Variants in TOM1L2 observed in about 807,000 individuals in gnomAD.
TOM1L2 encodes the protein target of myb1 like 2 membrane trafficking protein.
Under a neutral mutation model 67.9 loss-of-function variants are expected in TOM1L2, and 31 were observed. That is an observed-to-expected ratio of 0.46 (90% confidence interval 0.34 to 0.62). TOM1L2 has a LOEUF of 0.62. TOM1L2 is among the 20% of genes least tolerant of loss of function. The pLI is 0.01. For missense variants in TOM1L2, 606 were observed against 663.5 expected, an observed-to-expected ratio of 0.91 and a Z score of 0.95; for synonymous variants, 256 against 254.0, an observed-to-expected ratio of 1.01 and a Z score of -0.07.
chr17:17,953,494 G>C (rs1047265280), intron 1 of TOM1L2, among the ~76,000 whole-genome samples: 1 of 152,168 alleles, frequency 6.6e-6, no homozygotes, highest in Non-Finnish European at 1.5e-5. Context: ...CACTGTCCCT[G>C]CAAAAGGCGT....
chr17:17,861,709 C>A (rs1380594859), intron 11 of TOM1L2, among the ~76,000 whole-genome samples, 158 bp from the exon 12 acceptor site: 3 of 152,172 alleles, frequency 2.0e-5, no homozygotes, highest in African/African-American at 7.2e-5. Flanking sequence ...AGGCTAAGGG[C>A]TCATGTTGTC....
chr17:17,961,753 TC>T (rs1472491738), intron 1 of TOM1L2, among the ~76,000 whole-genome samples: 1 of 151,654 alleles, frequency 6.6e-6, no homozygotes, highest in African/African-American at 2.4e-5. Flanking sequence ...GCGCCTGTAG[TC>T]CCAGCTACTC....
intron 7 of TOM1L2, chr17:17,871,886 T>C: frequency 1.3e-6 from 1 of 779,262 alleles, no homozygotes; most frequent in South Asian, 5.8e-5. Flanking sequence ...AGTGCTAGAA[T>C]TAATAAGAGG....
At chr17:17,896,794 A>T (rs1311756337) in intron 3 of TOM1L2, among the ~76,000 whole-genome samples, 1 of 152,248 alleles carries the variant, frequency 6.6e-6, no homozygotes, top group Non-Finnish European at 1.5e-5. Flanking sequence ...AGGGCTTCTT[A>T]CTAACTTATT....
At chr17:17,956,105 CGA>C (rs2041433099) in intron 1 of TOM1L2, among the ~76,000 whole-genome samples, 1 of 152,166 alleles carries the variant, frequency 6.6e-6, no homozygotes, top group African/African-American at 2.4e-5. Flanking sequence ...CTCCCCCGCA[CGA>C]AAAAGGACCC....
intron 1 of TOM1L2, among the ~76,000 whole-genome samples, chr17:17,938,008 G>C (rs2040578330): frequency 6.6e-6 from 1 of 152,158 alleles, no homozygotes; most frequent in South Asian, 2.1e-4. Flanking sequence ...GGCTTGACTG[G>C]GATTTTGCCA....
intron 1 of TOM1L2, among the ~76,000 whole-genome samples, chr17:17,942,576 TA>T (rs1437546184): frequency 4.6e-5 from 7 of 152,328 alleles, no homozygotes; most frequent in African/African-American, 1.7e-4. Context: ...CCTTCCCTTT[TA>T]AATCTCAAAA....
chr17:17,896,669 A>C (rs1189210901), intron 3 of TOM1L2, among the ~76,000 whole-genome samples: 1 of 152,214 alleles, frequency 6.6e-6, no homozygotes, highest in East Asian at 1.9e-4. Context: ...CATGAAACAT[A>C]CAGTGGTAAT....
chr17:17,857,775 T>G, intron 12 of TOM1L2: 1 of 1,535,646 alleles, frequency 6.5e-7, no homozygotes, highest in Non-Finnish European at 8.7e-7. Context: ...TCACCATTCC[T>G]TGGGTTATAA....
intron 4 of TOM1L2, among the ~76,000 whole-genome samples, chr17:17,888,636 C>T (rs942453105): frequency 2.0e-5 from 3 of 152,176 alleles, no homozygotes; most frequent in Non-Finnish European, 4.4e-5. Flanking sequence ...TTTCTCCTGT[C>T]CCCACTCCCA....
At chr17:17,850,558 GC>G (rs1240854386) in intron 13 of TOM1L2, among the ~76,000 whole-genome samples, 1 of 151,646 alleles carries the variant, frequency 6.6e-6, no homozygotes, top group Non-Finnish European at 1.5e-5. Flanking sequence ...AAAAACCAAA[GC>G]ACGGCACATA....
intron 4 of TOM1L2, among the ~76,000 whole-genome samples, chr17:17,889,723 C>T (rs936112322): frequency 3.9e-5 from 6 of 152,206 alleles, no homozygotes; most frequent in Admixed American, 2.0e-4. Flanking sequence ...CCACTCCACC[C>T]CCAAGCCACA....
At chr17:17,950,247 C>G (rs1020195855) in intron 1 of TOM1L2, among the ~76,000 whole-genome samples, 3 of 152,158 alleles carry the variant, frequency 2.0e-5, no homozygotes, top group Non-Finnish European at 4.4e-5. Context: ...ACCTCCACCT[C>G]CTGGGCTCAA....
chr17:17,903,912 T>C (rs899183458), intron 2 of TOM1L2, among the ~76,000 whole-genome samples: 2 of 152,130 alleles, frequency 1.3e-5, no homozygotes, highest in Non-Finnish European at 2.9e-5. Flanking sequence ...GTCAGAGGCC[T>C]TCAGGGAGGG....
intron 1 of TOM1L2, among the ~76,000 whole-genome samples, chr17:17,911,865 C>G (rs2039368439): frequency 6.8e-6 from 1 of 148,084 alleles, no homozygotes; most frequent in Non-Finnish European, 1.5e-5. Flanking sequence ...TCTTAACGAG[C>G]ATGCTGCCTT....
At chr17:17,957,840 G>A (rs1339448281) in intron 1 of TOM1L2, among the ~76,000 whole-genome samples, 1 of 151,844 alleles carries the variant, frequency 6.6e-6, no homozygotes, top group Non-Finnish European at 1.5e-5. Flanking sequence ...GGTGGCTCAC[G>A]ACTGTAATCC....
At chr17:17,972,233 C>T (rs2042140214) in intron 1 of TOM1L2, 29 bp downstream of exon 1, 1 of 1,548,880 alleles carries the variant, frequency 6.5e-7, no homozygotes, top group East Asian at 2.4e-5. Context: ...CCGCCGTTGC[C>T]CAGCCTCCTG....
chr17:17,945,747 G>A (rs1304977105), intron 1 of TOM1L2, among the ~76,000 whole-genome samples: 3 of 152,002 alleles, frequency 2.0e-5, no homozygotes, highest in African/African-American at 7.2e-5. Flanking sequence ...ATGAAATGTA[G>A]GACTCTTTCC....
At position 17,846,110 on chromosome 17, in the gene TOM1L2, C is replaced by G. The variant is rs1056017677; in HGVS notation, c.*1525G>C. ...CCAGCTGAAGTCGCCATCCTGAATGCTCCCCAACGACCATGTCGCTGGTCT... is the reference window on the plus strand; with the variant it reads ...CCAGCTGAAGTCGCCATCCTGAATGGTCCCCAACGACCATGTCGCTGGTCT... On this transcript the variant is annotated 3_prime_UTR_variant, in exon 15 of 15. Transcript: ENST00000379504. 1 of 152,302 alleles carries G rather than the reference C, an allele frequency of 6.6e-6. No homozygotes were observed. Among genetic ancestry groups the G allele is most frequent in the African/African-American group, 2.4e-5 (1 of 41,458 alleles). The allele number at this position is 152,302 out of a possible 1,614,324, so 9.4% of individuals were successfully genotyped here.
Sources: gnomAD v4.1 joint callset for allele counts (sites outside exome capture counted in the v4.1 genomes callset) on GRCh38, gnomAD v4.1.1 for gene constraint, MANE v1.5 for transcripts, NCBI Gene and HGNC (gene_info 2026-07-23, HGNC 2026-07-21) for gene names.